The following ZNF746 variants were observed in gnomAD, a reference collection of about 807,000 sequenced individuals.
ZNF746 encodes zinc finger protein 746.
ZNF746 carries 13 observed loss-of-function variants against 41.0 expected under a neutral mutation model. That is an observed-to-expected ratio of 0.32 (90% CI 0.21 to 0.50). The LOEUF (loss-of-function observed/expected upper bound fraction) is 0.50, where lower values mean the gene tolerates loss of function less well. ZNF746 is among the 20% of genes least tolerant of loss of function. ZNF746 has a pLI of 0.98. For missense variants in ZNF746, 811 were observed against 922.9 expected (o/e 0.88, Z 1.57); for synonymous variants, 424 against 396.2 (o/e 1.07, Z -0.83).
chr7:149,485,237 CA>C (rs1800589130), intron 4 of ZNF746, among the ~76,000 whole-genome samples: 1 of 149,784 alleles, frequency 6.7e-6, no homozygotes, highest in Non-Finnish European at 1.5e-5. Flanking sequence ...ACACTATAGA[CA>C]AACCAAATGG....
At chr7:149,480,509 T>C (rs1445108573) in intron 4 of ZNF746, among the ~76,000 whole-genome samples, 3 of 152,190 alleles carry the variant, frequency 2.0e-5, no homozygotes, top group Non-Finnish European at 4.4e-5. Context: ...CTTGGCTCAC[T>C]GCAACCTCTG....
chr7:149,490,011 C>G (rs1800750622), intron 4 of ZNF746: 1 of 152,278 alleles, frequency 6.6e-6, no homozygotes, highest in African/African-American at 2.4e-5. Flanking sequence ...GGGTAGAGGT[C>G]AAGGCAGGAT....
At chr7:149,484,878 G>A (rs1800577303) in intron 4 of ZNF746, among the ~76,000 whole-genome samples, 1 of 151,972 alleles carries the variant, frequency 6.6e-6, no homozygotes. Context: ...ATACTGTGAG[G>A]TTTTTGAGAA....
In ZNF746 at chr7:149,475,396, C is replaced by T; in HGVS notation, c.971G>A (p.Gly324Glu). The T allele has an allele frequency of 6.2e-7, 1 of 1,614,206 alleles. No homozygotes were observed. Among genetic ancestry groups the T allele is most frequent in the Non-Finnish European group, 8.5e-7 (1 of 1,180,030 alleles). The change falls in exon 7 of 7, where the codon GGG (glycine) becomes GAG (glutamate). Residue 324 changes from glycine (G) to glutamate (E), a missense_variant. Physicochemically the swap from Gly to Glu is moderately conservative, Grantham distance 98. Transcript: ENST00000458143. ...GGCTTGGCCTGGTCCAAACAGGGTC[C>T]CGTGAGCCTCTAGGTCAGTAGGATG... Reference protein sequence around the residue: ...PVHPTDLEAHGTLFGPGQATR... With the variant: ...PVHPTDLEAHETLFGPGQATR...
In ZNF746 at chr7:149,485,181, G is replaced by C. The variant is rs1800587978; in HGVS notation, c.566-7426C>G. Among the ~76,000 whole-genome samples, 3 of 144,764 alleles carry C rather than the reference G, an allele frequency of 2.1e-5. No individual in the cohort carries two copies. In the Admixed American group the frequency reaches 2.1e-4, roughly 10 times the overall value. The allele number at this position is 144,764 out of a possible 152,430, so 95.0% of individuals were successfully genotyped here. The stretch of plus-strand genomic sequence containing the variant: ...AAAAAAAAAAAAGAACCTAGGAATA[G>C]ATCTAACAAAATATGTGCAAGACCT... On this transcript the variant is annotated intron_variant, in intron 4 of 6. Coordinates refer to ENST00000458143, the MANE Select transcript of ZNF746 (RefSeq NM_001394198.1).
At position 149,474,364 on chromosome 7, in the gene ZNF746, G is replaced by A. The variant is rs2116631841; in HGVS notation, c.*20C>T. The A allele has an allele frequency of 6.3e-7, 1 of 1,592,046 alleles. No homozygotes were observed. The highest frequency in any genetic ancestry group is 1.3e-5 in the African/African-American group (1 of 74,598). On this transcript the variant is annotated 3_prime_UTR_variant, in exon 7 of 7. Transcript: ENST00000458143. The surrounding 1 kb of genome is among the most constrained non-coding windows in gnomAD (Gnocchi z 6.3). Reference sequence around the variant, plus strand: ...GCTTTTTACACGTGCGGCCGGCAGGGGCTATGGGGCTGGAGGCGCTCACAT... The same window carrying A: ...GCTTTTTACACGTGCGGCCGGCAGGAGCTATGGGGCTGGAGGCGCTCACAT...
chr7:149,488,618 A>C (rs1800695938), intron 4 of ZNF746: 1 of 152,242 alleles, frequency 6.6e-6, no homozygotes, highest in South Asian at 2.1e-4. Context: ...AAGGGCGTGC[A>C]ACTTAAGGGG....
chr7:149,475,098 GTTGTCC>G lies in ZNF746; in HGVS notation c.1263_1268del (p.Asp422_Asn423del). On this transcript the variant is annotated inframe_deletion, in exon 7 of 7. Coordinates refer to ENST00000458143, the MANE Select transcript of ZNF746 (RefSeq NM_001394198.1). ...GGCTGGGGTCCAAGATGGCCTCTCC[GTTGTCC>G]GGGGAGGAGTAAGGAAGCCCCTCGG... 6.2e-7 allele frequency: 1 copy of G among 1,607,112 alleles called. No homozygotes were observed. Among genetic ancestry groups the G allele is most frequent in the Non-Finnish European group, 8.5e-7 (1 of 1,177,624 alleles).
At chr7:149,477,181 CCTCT>C in intron 5 of ZNF746, 134 bp from the exon 6 acceptor site, 1 of 1,059,340 alleles carries the variant, frequency 9.4e-7, no homozygotes, top group Middle Eastern at 2.9e-4. Flanking sequence ...GAGGACCCAA[CCTCT>C]CTGAACCCAG....
intron 4 of ZNF746, among the ~76,000 whole-genome samples, chr7:149,483,943 TC>T: frequency 6.6e-6 from 1 of 152,278 alleles, no homozygotes; most frequent in Non-Finnish European, 1.5e-5. Context: ...TGAATGTTAT[TC>T]CAAGTAATTT....
rs370438551 is a variant in ZNF746, at chr7:149,478,650, C to T, written c.566-895G>A. 1.6e-4 allele frequency among the ~76,000 whole-genome samples: 24 copies of T among 152,178 alleles called. No homozygotes were observed. In the South Asian group the frequency reaches 3.9e-3, roughly 25 times the overall value. ...AAACCAGAAGAAAAACTAAAACTTA[C>T]AAAACAGAAGAGGTGCCAAATGGCC... On this transcript the variant is annotated intron_variant, in intron 4 of 6. Coordinates refer to ENST00000458143, the MANE Select transcript of ZNF746 (RefSeq NM_001394198.1).
chr7:149,488,803 G>A (rs1318607988), intron 4 of ZNF746: 1 of 152,238 alleles, frequency 6.6e-6, no homozygotes, highest in Non-Finnish European at 1.5e-5. Flanking sequence ...ACGACGTGGT[G>A]AGGCCACCGC....
Position 149,474,514 on chromosome 7 carries a change from G to T in ZNF746, c.1853C>A (p.Pro618Gln). 6.2e-7 allele frequency: 1 copy of T among 1,607,876 alleles called. No homozygotes were observed. Among genetic ancestry groups the T allele is most frequent in the African/African-American group, 1.3e-5 (1 of 74,972 alleles). ...GGGATCAGGAGGTGCGGGCGGCGTC[G>T]GGAGTGGCTGGCCTCGGGCCGGGGT... ...AKTPARGQPL[P>Q]TPPAPPDPFK... is the part of the protein sequence containing the mutation. The change falls in exon 7 of 7, where the codon CCG becomes CAG. Residue 618 changes from proline (P) to glutamine (Q), a missense_variant. This residue lies in a region of ZNF746 where 99 missense variants were observed against 80.3 expected (regional missense o/e 1.23). Coordinates refer to ENST00000458143, the MANE Select transcript of ZNF746 (RefSeq NM_001394198.1). This position sits in a 1 kb window ranked among gnomAD's most constrained non-coding sequence, Gnocchi z 6.3.
intron 1 of ZNF746, chr7:149,496,774 A>C (rs1227712470): frequency 1.0e-6 from 1 of 981,726 alleles, no homozygotes; most frequent in East Asian, 1.1e-4. Flanking sequence ...CCCGGAGCCC[A>C]CCGCAAGCTT....
chr7:149,475,275 G>A lies in ZNF746; in HGVS notation c.1092C>T (p.Pro364=), dbSNP rs535904117. The A allele has an allele frequency of 1.9e-6, 3 of 1,613,268 alleles. No homozygotes were observed. Among genetic ancestry groups the A allele is most frequent in the South Asian group, 1.1e-5 (1 of 91,042 alleles). The part of the protein sequence containing the change: ...SQDPVLGLRE[P]ARPERDMGEL... Reference sequence around the variant, plus strand: ...CACCCATGTCCCTCTCAGGCCGGGCGGGCTCTCGCAGCCCCAGCACAGGGT... The same window carrying A: ...CACCCATGTCCCTCTCAGGCCGGGCAGGCTCTCGCAGCCCCAGCACAGGGT... Residue 364 remains proline, a synonymous_variant, in exon 7 of 7, where the codon CCC becomes CCT. Transcript: ENST00000458143.
chr7:149,495,805 A>C (rs1352821244), intron 1 of ZNF746, among the ~76,000 whole-genome samples: 2 of 152,224 alleles, frequency 1.3e-5, no homozygotes, highest in Non-Finnish European at 2.9e-5. Flanking sequence ...GATACTATCT[A>C]TTTGGAAGGA....
chr7:149,474,980 G>A lies in ZNF746; in HGVS notation c.1387C>T (p.Pro463Ser), dbSNP rs1342793238. 3 of 1,547,976 alleles carry A rather than the reference G, an allele frequency of 1.9e-6. No homozygotes were observed. Among genetic ancestry groups the A allele is most frequent in the East Asian group, 2.4e-5 (1 of 40,964 alleles). ...KPGLKKHPAAPPGGRPFTCAT... is the reference protein window; with the variant it reads ...KPGLKKHPAASPGGRPFTCAT... ...CAGGTGAAGGGCCGGCCCCCGGGGG[G>A]CGCCGCGGGGTGCTTCTTCAGCCCT... Residue 463 changes from proline to serine, a missense_variant, in exon 7 of 7, where the codon CCC (proline) becomes TCC (serine). This residue lies in a region of ZNF746 where 495 missense variants were observed against 481.6 expected (regional missense o/e 1.03). Coordinates refer to ENST00000458143, the MANE Select transcript of ZNF746 (RefSeq NM_001394198.1). This position sits in a 1 kb window ranked among gnomAD's most constrained non-coding sequence, Gnocchi z 6.3.
In ZNF746 at chr7:149,474,507, C is replaced by A. The variant is rs772901533; in HGVS notation, c.1860G>T (p.Pro620=). The change falls in exon 7 of 7, where the codon CCG becomes CCT. Residue 620 remains proline (P), a synonymous_variant. Transcript: ENST00000458143. This position sits in a 1 kb window ranked among gnomAD's most constrained non-coding sequence, Gnocchi z 6.3. ...TCTTGAAGGGATCAGGAGGTGCGGG[C>A]GGCGTCGGGAGTGGCTGGCCTCGGG... is the stretch of plus-strand genomic sequence containing the variant. ...TPARGQPLPT[P]PAPPDPFKSP... 7 of 1,609,236 alleles carry A rather than the reference C, an allele frequency of 4.3e-6. No individual in the cohort carries two copies. The African/African-American group carries it at 9.4e-5, about 21-fold the overall frequency.
chr7:149,495,361 T>C (rs1172753755), intron 1 of ZNF746, among the ~76,000 whole-genome samples: 1 of 152,208 alleles, frequency 6.6e-6, no homozygotes, highest in African/African-American at 2.4e-5. Flanking sequence ...AAAGTACATA[T>C]ATGCCACAGT....
Sources: gnomAD v4.1 joint callset for allele counts (sites outside exome capture counted in the v4.1 genomes callset) on GRCh38, gnomAD v4.1.1 for gene constraint, gnomAD v4.1.1 regional missense constraint, Gnocchi (gnomAD v3.1) non-coding constraint, MANE v1.5 for transcripts, NCBI Gene and HGNC (gene_info 2026-07-23, HGNC 2026-07-21) for gene names.